Variants in MEIS3 observed in about 807,000 individuals in gnomAD.
The protein encoded by MEIS3 is Meis homeobox 3.
Under a neutral mutation model 51.4 loss-of-function variants are expected in MEIS3, and 38 were observed. The observed-to-expected ratio is 0.74, with a 90% CI of 0.57 to 0.97. The LOEUF is 0.97. Among genes scored for constraint, MEIS3 ranks in the 50% least tolerant of loss-of-function variants. The probability of loss-of-function intolerance (pLI) is 0.00; values close to 1 mark genes in which losing one functional copy is unlikely to be tolerated. For synonymous variants in MEIS3, 198 were observed against 201.8 expected (o/e 0.98, Z 0.16); for missense variants, 456 against 502.6 (o/e 0.91, Z 0.89).
At chr19:47,420,618 C>A (rs1425026490), upstream of MEIS3, among the ~76,000 whole-genome samples, 1 of 144,408 alleles carries the variant, frequency 6.9e-6, no homozygotes, top group Non-Finnish European at 1.5e-5. Context: ...GAGTGGGGGA[C>A]AGGAGCTCCA....
At chr19:47,421,455 C>T (rs780873339), upstream of MEIS3, among the ~76,000 whole-genome samples, 2 of 152,134 alleles carry the variant, frequency 1.3e-5, no homozygotes, top group Admixed American at 6.5e-5. Context: ...AGGAGCAGAC[C>T]GAATGAACGA....
intron 8 of MEIS3, among the ~76,000 whole-genome samples, chr19:47,408,272 G>A (rs914147195): frequency 1.3e-5 from 2 of 151,964 alleles, no homozygotes; most frequent in East Asian, 3.9e-4. Flanking sequence ...GATCACAGGT[G>A]TGTGCCACCA....
upstream of MEIS3, among the ~76,000 whole-genome samples, chr19:47,421,297 G>A (rs916715118): frequency 1.3e-5 from 2 of 151,986 alleles, no homozygotes; most frequent in Non-Finnish European, 2.9e-5. Context: ...GGACCTCATG[G>A]GTCTCCCCAG....
At chr19:47,415,571 C>CTTTTT (rs1245407799) in intron 4 of MEIS3, among the ~76,000 whole-genome samples, 7 of 122,176 alleles carry the variant, frequency 5.7e-5, no homozygotes, top group Non-Finnish European at 8.4e-5. Context: ...CTCTCTCTCT[C>CTTTTT]TCTTTTTTTT....
chr19:47,407,906 C>T (rs186453968), intron 8 of MEIS3, among the ~76,000 whole-genome samples: 9 of 152,324 alleles, frequency 5.9e-5, no homozygotes, highest in Admixed American at 3.9e-4. Flanking sequence ...CTCCGGGGTT[C>T]AAGGGATTCC....
chr19:47,414,904 G>GCCCTGCCCCCGT, intron 5 of MEIS3, 38 bp from the exon 6 acceptor site: 5 of 1,413,360 alleles, frequency 3.5e-6, no homozygotes, highest in Non-Finnish European at 4.0e-6. Flanking sequence ...GGCCACCCAC[G>GCCCTGCCCCCGT]GGGGCAGGGC....
rs561227626 is a variant in MEIS3 at position 47,415,017 on chromosome 19, C to A, written c.447+34G>T. 4.8e-5 allele frequency: 74 copies of A among 1,526,124 alleles called. No homozygotes were observed. The South Asian group carries it at 8.1e-4, about 17-fold the overall frequency. The allele number at this position is 1,526,124 out of a possible 1,614,324, so 94.5% of individuals were successfully genotyped here. The stretch of plus-strand genomic sequence containing the variant: ...ACGAGAGGGGGTGGGATGACAGGGG[C>A]AAGTGAGGGTGTGGGGAGGTGAGAC... On this transcript the variant is annotated intron_variant, in intron 5 of 12. Coordinates refer to ENST00000558555, the MANE Select transcript of MEIS3 (RefSeq NM_001301059.2).
At chr19:47,407,672 A>T in intron 8 of MEIS3, 5 of 886,800 alleles carry the variant, frequency 5.6e-6, no homozygotes, top group East Asian at 3.3e-5. Flanking sequence ...GCCAGCTCTG[A>T]TTAGAGAGAC....
At chr19:47,405,144 C>G (rs570704267) in intron 12 of MEIS3, among the ~76,000 whole-genome samples, 4 of 152,320 alleles carry the variant, frequency 2.6e-5, no homozygotes, top group African/African-American at 9.6e-5. Flanking sequence ...TGCAAGTGAC[C>G]TCTTCTCTCT....
intron 12 of MEIS3, among the ~76,000 whole-genome samples, chr19:47,405,497 C>A (rs1027356768): frequency 6.6e-6 from 1 of 151,916 alleles, no homozygotes; most frequent in Non-Finnish European, 1.5e-5. Context: ...AACTTCCCCA[C>A]AAGACCAGAA....
chr19:47,414,649 C>T (rs570074964), intron 6 of MEIS3, 68 bp downstream of exon 6: 52 of 1,516,006 alleles, frequency 3.4e-5, no homozygotes, highest in East Asian at 9.8e-5. Flanking sequence ...AGTGCACATG[C>T]GCCCTCATGC....
chr19:47,412,149 T>TGGA (rs1971165464), intron 6 of MEIS3: 2 of 152,246 alleles, frequency 1.3e-5, no homozygotes, highest in African/African-American at 4.8e-5. Context: ...AGTTTCTTTA[T>TGGA]GCAAACTCCA....
upstream of MEIS3, among the ~76,000 whole-genome samples, chr19:47,420,524 A>AGAGAGAGAGACAGACGCGGGTGGGAG (rs1555744458): frequency 2.9e-4 from 24 of 81,368 alleles, no homozygotes; most frequent in African/African-American, 1.6e-3. Context: ...TGTGATTCAG[A>AGAGAGAGAGACAGACGCGGGTGGGAG]GAGAGAGAGA....
At chr19:47,414,625 G>A in intron 6 of MEIS3, 92 bp downstream of exon 6, 30 of 1,439,666 alleles carry the variant, frequency 2.1e-5, no homozygotes, top group South Asian at 1.7e-4. Context: ...CTGTGGCTTC[G>A]TCTGAGGCTG....
At chr19:47,410,610 C>CA (rs1231144370) in intron 6 of MEIS3, among the ~76,000 whole-genome samples, 4 of 146,134 alleles carry the variant, frequency 2.7e-5, no homozygotes, top group Admixed American at 1.4e-4. Flanking sequence ...ACTAAAAATA[C>CA]AAAAAATTAG....
At chr19:47,408,509 T>C (rs1271749225) in intron 8 of MEIS3, among the ~76,000 whole-genome samples, 1 of 152,116 alleles carries the variant, frequency 6.6e-6, no homozygotes, top group Non-Finnish European at 1.5e-5. Context: ...TCTCTCTCTC[T>C]CTGGGATTCA....
chr19:47,419,147 G>C lies in MEIS3; in HGVS notation c.-66C>G. The C allele has an allele frequency of 8.4e-7, 1 of 1,193,580 alleles. No individual in the cohort carries two copies. The highest frequency in any genetic ancestry group is 1.0e-6 in the Non-Finnish European group (1 of 953,988). 73.9% of individuals were successfully genotyped at this position (1,193,580 alleles called of 1,614,324 possible). ...TGGCCGCGGGGGAGGGCGCAGCCCG[G>C]GGCCGCAGCCCCTGACGGCCCGCGG... On this transcript the variant is annotated 5_prime_UTR_variant, in exon 1 of 13. Coordinates refer to ENST00000558555, the MANE Select transcript of MEIS3 (RefSeq NM_001301059.2).
At position 47,413,987 on chromosome 19, in the gene MEIS3, A is replaced by G. The variant is rs186047826; in HGVS notation, c.597+730T>C. Among the ~76,000 whole-genome samples, 1,215 of 151,480 alleles carry G rather than the reference A, an allele frequency of 8.0e-3. 17 individuals are homozygous for G. Among genetic ancestry groups the G allele is most frequent in the African/African-American group, 0.028 (1,137 of 41,230 alleles). ...CCTGACCTCATGATCCACCCACCTC[A>G]GCCTCCCAAAGTGCTGGGATTACAG... is the stretch of plus-strand genomic sequence containing the variant. On this transcript the variant is annotated intron_variant, in intron 6 of 12. Coordinates refer to ENST00000558555, the MANE Select transcript of MEIS3 (RefSeq NM_001301059.2).
Position 47,415,048 on chromosome 19 carries a change from C to T in MEIS3, c.447+3G>A, listed in dbSNP as rs756879771. The T allele has an allele frequency of 6.4e-7, 1 of 1,561,368 alleles. No homozygotes were observed. Among genetic ancestry groups the T allele is most frequent in the South Asian group, 1.2e-5 (1 of 84,924 alleles). On this transcript the variant is annotated splice_donor_region_variant and intron_variant, in intron 5 of 12. Transcript: ENST00000558555. Reference sequence around the variant, plus strand: ...AGGGTGTGGGGAGGTGAGACGCGCTCACCTTCTCCAGCTCCAGCAGGTGGA... The same window carrying T: ...AGGGTGTGGGGAGGTGAGACGCGCTTACCTTCTCCAGCTCCAGCAGGTGGA...
Sources: allele counts gnomAD v4.1 joint callset (sites outside exome capture counted in the v4.1 genomes callset), GRCh38; gene constraint gnomAD v4.1.1; transcripts MANE v1.5; gene names NCBI Gene and HGNC (gene_info 2026-07-23, HGNC 2026-07-21).